Variants in C13orf42 observed in about 807,000 individuals in gnomAD.
C13orf42 encodes the protein chromosome 13 open reading frame 42, also known as uncharacterized protein C13orf42.
intron 1 of C13orf42, among the ~76,000 whole-genome samples, chr13:51,136,778 C>A (rs537921433): frequency 6.6e-6 from 1 of 152,154 alleles, no homozygotes; most frequent in African/African-American, 2.4e-5. Context: ...GAGCCTGGCG[C>A]GAGGCCCTGA....
At chr13:51,132,640 T>A (rs753961124) in intron 1 of C13orf42, among the ~76,000 whole-genome samples, 7 of 152,088 alleles carry the variant, frequency 4.6e-5, no homozygotes, top group Non-Finnish European at 1.0e-4. Flanking sequence ...CAGAAAATGA[T>A]GGATCTTCAT....
Position 51,084,258 on chromosome 13 carries a change from A to C in C13orf42, c.871T>G (p.Phe291Val). The C allele has an allele frequency of 2.5e-6, 1 of 398,714 alleles. No homozygotes were observed. The highest frequency in any genetic ancestry group is 4.4e-6 in the Non-Finnish European group (1 of 226,118). 24.7% of individuals were successfully genotyped at this position (398,714 alleles called of 1,614,324 possible). A position where few individuals can be genotyped will look rare whatever the true frequency, so the allele number is the denominator to read the frequency against. ...GGAGACAACTGGGGCTCCAACGCAA[A>C]GAGCTCTGCATCCCACTCCATATCT... is the stretch of plus-strand genomic sequence containing the variant. ...GEDMEWDAEL[F>V]ALEPQLSPGE... Residue 291 changes from phenylalanine (F) to valine (V), a missense_variant, in exon 4 of 4, where the codon TTT (phenylalanine) becomes GTT (valine). Coordinates refer to ENST00000563710, the MANE Select transcript of C13orf42 (RefSeq NM_001351589.3).
intron 1 of C13orf42, among the ~76,000 whole-genome samples, chr13:51,110,428 T>C (rs1953414509): frequency 6.6e-6 from 1 of 152,166 alleles, no homozygotes; most frequent in Admixed American, 6.5e-5. Context: ...TCCTTTTTGC[T>C]TCCTGGGTAT....
At chr13:51,124,693 C>T (rs1337523503) in intron 1 of C13orf42, among the ~76,000 whole-genome samples, 2 of 152,174 alleles carry the variant, frequency 1.3e-5, no homozygotes, top group Non-Finnish European at 2.9e-5. Context: ...TCTTATCAAG[C>T]ACCAGGTTTG....
intron 1 of C13orf42, among the ~76,000 whole-genome samples, chr13:51,097,988 G>A (rs1192022482): frequency 6.6e-6 from 1 of 152,016 alleles, no homozygotes; most frequent in Non-Finnish European, 1.5e-5. Flanking sequence ...ATCATTTTCC[G>A]AGTCTTCCCT....
chr13:51,144,379 G>C (rs1325428997), intron 1 of C13orf42, among the ~76,000 whole-genome samples: 1 of 121,428 alleles, frequency 8.2e-6, no homozygotes, highest in Non-Finnish European at 1.8e-5. Context: ...TAACAATTTA[G>C]TGTACTCTTA....
intron 1 of C13orf42, among the ~76,000 whole-genome samples, chr13:51,170,342 G>A (rs910311975): frequency 2.0e-5 from 3 of 152,160 alleles, no homozygotes; most frequent in Non-Finnish European, 4.4e-5. Context: ...CGGATCGGGG[G>A]ACCTCCCTTG....
intron 1 of C13orf42, among the ~76,000 whole-genome samples, chr13:51,119,632 C>T (rs143348136): frequency 6.6e-6 from 1 of 152,132 alleles, no homozygotes; most frequent in African/African-American, 2.4e-5. Flanking sequence ...AGACATGATG[C>T]GACGTGAAAT....
At chr13:51,161,845 C>A (rs925980403) in intron 1 of C13orf42, 8 of 443,966 alleles carry the variant, frequency 1.8e-5, no homozygotes, top group Middle Eastern at 8.2e-4. Context: ...CCATCCACAG[C>A]ACTCTCAGAG....
intron 1 of C13orf42, among the ~76,000 whole-genome samples, chr13:51,154,233 A>T (rs1372768392): frequency 6.6e-6 from 1 of 152,124 alleles, no homozygotes; most frequent in Non-Finnish European, 1.5e-5. Flanking sequence ...TTATCCATTC[A>T]TCTGTAGATG....
At chr13:51,131,363 T>C (rs1953615109) in intron 1 of C13orf42, among the ~76,000 whole-genome samples, 1 of 152,262 alleles carries the variant, frequency 6.6e-6, no homozygotes, top group South Asian at 2.1e-4. Flanking sequence ...TGGTGTGTTT[T>C]CCTTTAAGGA....
intron 1 of C13orf42, among the ~76,000 whole-genome samples, chr13:51,163,641 G>A (rs2138050565): frequency 6.6e-6 from 1 of 152,268 alleles, no homozygotes; most frequent in East Asian, 1.9e-4. Context: ...TGTATGACCT[G>A]CATTCCAAGG....
At chr13:51,122,992 T>C (rs1400551798) in intron 1 of C13orf42, among the ~76,000 whole-genome samples, 1 of 152,224 alleles carries the variant, frequency 6.6e-6, no homozygotes, top group Admixed American at 6.5e-5. Context: ...ATTAGAAAGA[T>C]GGATTGATAC....
intron 1 of C13orf42, among the ~76,000 whole-genome samples, chr13:51,166,966 C>G (rs967397637): frequency 6.6e-6 from 1 of 151,970 alleles, no homozygotes; most frequent in Non-Finnish European, 1.5e-5. Context: ...ATAGTCCCAG[C>G]TACTCAGGAG....
chr13:51,128,486 C>T (rs1372453449), intron 1 of C13orf42, among the ~76,000 whole-genome samples: 4 of 152,186 alleles, frequency 2.6e-5, no homozygotes, highest in Non-Finnish European at 4.4e-5. Flanking sequence ...GATTGGGTTA[C>T]AGGCCCAACT....
At position 51,083,980 on chromosome 13, in the gene C13orf42, G is replaced by C. The variant is rs1953092470; in HGVS notation, c.*171C>G. ...GAGAGTGTCCTGAGACCTGTCCCCT[G>C]GGAAGCCACAGGTCTGTTTGGCACT... is the stretch of plus-strand genomic sequence containing the variant. On this transcript the variant is annotated 3_prime_UTR_variant, in exon 4 of 4. Transcript: ENST00000563710. 5.1e-6 allele frequency: 2 copies of C among 390,468 alleles called. No homozygotes were observed. Among genetic ancestry groups the C allele is most frequent in the African/African-American group, 4.1e-5 (2 of 48,436 alleles). The allele number at this position is 390,468 out of a possible 1,614,324, so 24.2% of individuals were successfully genotyped here. A position where few individuals can be genotyped will look rare whatever the true frequency, so the allele number is the denominator to read the frequency against.
chr13:51,139,390 G>A (rs1010611454), intron 1 of C13orf42, among the ~76,000 whole-genome samples: 1 of 152,092 alleles, frequency 6.6e-6, no homozygotes, highest in Non-Finnish European at 1.5e-5. Context: ...GGGGAGATGA[G>A]GAAAAGAAGA....
chr13:51,087,069 C>A (rs1013860084), intron 2 of C13orf42, among the ~76,000 whole-genome samples: 2 of 152,200 alleles, frequency 1.3e-5, no homozygotes, highest in African/African-American at 4.8e-5. Flanking sequence ...GGCCAGTGAG[C>A]CCCCTGAATA....
chr13:51,115,364 C>A, upstream of C13orf42, among the ~76,000 whole-genome samples: 1 of 152,182 alleles, frequency 6.6e-6, no homozygotes. Flanking sequence ...GCTTACGGGG[C>A]ATTTGACCAG....
Sources: gnomAD v4.1 joint callset for allele counts (sites outside exome capture counted in the v4.1 genomes callset) on GRCh38, gnomAD v4.1.1 for gene constraint, MANE v1.5 for transcripts, NCBI Gene and HGNC (gene_info 2026-07-23, HGNC 2026-07-21) for gene names.